Variants in SASH1 observed in about 807,000 individuals in gnomAD.
SASH1 encodes SAM and SH3 domain containing 1.
A neutral mutation model predicts 125.2 loss-of-function variants in SASH1; 44 were observed. That is an observed-to-expected ratio of 0.35 (90% confidence interval 0.28 to 0.45). SASH1 has a LOEUF of 0.45. Ranked by LOEUF, SASH1 falls within the 20% of genes least tolerant of loss-of-function variation. SASH1 has a pLI of 1.00. For synonymous variants in SASH1, 639 were observed against 649.1 expected (o/e 0.98, Z 0.24); for missense variants, 1,426 against 1,614.5 (o/e 0.88, Z 2.00).
chr6:148,492,827 TATAA>T (rs4052629), intron 8 of SASH1, among the ~76,000 whole-genome samples: 64,215 of 145,072 alleles, frequency 0.44, 14,987 homozygotes, highest in East Asian at 0.64. Flanking sequence ...TCTCATAAAA[TATAA>T]ATAAATAAAT....
At chr6:148,444,041 A>G (rs1158639358) in intron 4 of SASH1, among the ~76,000 whole-genome samples, 2 of 152,228 alleles carry the variant, frequency 1.3e-5, no homozygotes, top group Non-Finnish European at 2.9e-5. Context: ...GAACTTAGAA[A>G]ACACATGTGG....
chr6:148,251,903 A>G, the SASH1 span, among the ~76,000 whole-genome samples: 2 of 138,828 alleles, frequency 1.4e-5, no homozygotes, highest in South Asian at 2.3e-4. Flanking sequence ...TCATTGTTCA[A>G]TTCCCACCTA....
the SASH1 span, among the ~76,000 whole-genome samples, chr6:148,245,715 C>T: frequency 6.6e-6 from 1 of 152,004 alleles, no homozygotes; most frequent in African/African-American, 2.4e-5. Context: ...GGGCCAGGTG[C>T]GGTGGCTCGT....
intron 1 of SASH1, among the ~76,000 whole-genome samples, chr6:148,311,023 C>T (rs1343951214): frequency 6.6e-6 from 1 of 152,148 alleles, no homozygotes; most frequent in East Asian, 1.9e-4. Flanking sequence ...AAGTGATCCT[C>T]CGGCCTCAGC....
intron 1 of SASH1, among the ~76,000 whole-genome samples, chr6:148,363,997 A>G (rs1192193524): frequency 1.3e-5 from 2 of 152,198 alleles, no homozygotes; most frequent in Non-Finnish European, 2.9e-5. Context: ...AATGCCCACC[A>G]TTCATTCAGA....
At chr6:148,545,895 C>A in intron 18 of SASH1, 120 bp from the exon 19 acceptor site, 1 of 949,630 alleles carries the variant, frequency 1.1e-6, no homozygotes, top group Non-Finnish European at 1.5e-6. Flanking sequence ...GAGCCATGAT[C>A]ACACCACTGC....
At chr6:148,346,485 T>C (rs888254676) in intron 1 of SASH1, among the ~76,000 whole-genome samples, 1 of 92,862 alleles carries the variant, frequency 1.1e-5, no homozygotes, top group Non-Finnish European at 2.1e-5. Context: ...AAAACAAGCT[T>C]GCAAAAAAAA....
chr6:148,528,291 T>C lies in SASH1; in HGVS notation c.1428+695T>C, dbSNP rs557426274. 2.0e-5 allele frequency among the ~76,000 whole-genome samples: 3 copies of C among 152,262 alleles called. No homozygotes were observed. The East Asian group carries it at 5.8e-4, about 29-fold the overall frequency. On this transcript the variant is annotated intron_variant, in intron 12 of 19. Coordinates refer to ENST00000367467, the MANE Select transcript of SASH1 (RefSeq NM_015278.5). ...TGGGCCTCAAGGTAATTATGACCAT[T>C]CAATTTTCAAGACACTCTCCTCCAG...
the SASH1 span, among the ~76,000 whole-genome samples, chr6:148,221,055 G>A: frequency 6.6e-6 from 1 of 152,004 alleles, no homozygotes; most frequent in African/African-American, 2.4e-5. Flanking sequence ...CTACTTTCTG[G>A]GACTTGAAAA....
chr6:148,312,860 G>A (rs1449623555), intron 1 of SASH1, among the ~76,000 whole-genome samples: 2 of 152,112 alleles, frequency 1.3e-5, no homozygotes, highest in Admixed American at 1.3e-4. Context: ...GAAGGAGGAG[G>A]AGAAGGAGGC....
the SASH1 span, among the ~76,000 whole-genome samples, chr6:148,196,969 G>T: frequency 6.6e-6 from 1 of 152,324 alleles, no homozygotes; most frequent in East Asian, 1.9e-4. Context: ...GGATACTGCT[G>T]AGTGATTGAA....
rs556345545 is a variant in SASH1 at position 148,331,753 on chromosome 6, A to G, written n.75-58381A>G. Among the ~76,000 whole-genome samples, 417 of 152,210 alleles carry G rather than the reference A, an allele frequency of 2.7e-3. 1 individual carries two copies. The highest frequency in any genetic ancestry group is 4.8e-3 in the Non-Finnish European group (323 of 67,992). On this transcript the variant is annotated intron_variant and non_coding_transcript_variant, in intron 1 of 3. Coordinates refer to the SASH1 transcript ENST00000367469. ...GTGACCCAACTTGAACTGCAGTGGT[A>G]CAATCATGGCTCATTGCAGCCTTGA...
At chr6:148,307,029 TTTCTTTCTTTCTTTCTTTCTTTC>T (rs779910398) in intron 1 of SASH1, among the ~76,000 whole-genome samples, 925 of 29,364 alleles carry the variant, frequency 0.032, 8 homozygotes, top group Non-Finnish European at 0.045. Flanking sequence ...CTTTCTTTTC[TTTCTTTCTTTCTTTCTTTCTTTC>T]TTTCTTTCTT....
the SASH1 span, among the ~76,000 whole-genome samples, chr6:148,234,586 G>A: frequency 5.9e-5 from 9 of 152,190 alleles, no homozygotes; most frequent in African/African-American, 2.2e-4. Flanking sequence ...AGCACTTTGG[G>A]AGGCCAAGGC....
chr6:148,319,923 A>T (rs1582960013), intron 1 of SASH1, among the ~76,000 whole-genome samples: 2 of 152,154 alleles, frequency 1.3e-5, no homozygotes, highest in East Asian at 3.8e-4. Flanking sequence ...CATTGTACCC[A>T]TGTGGTCTAC....
At chr6:148,336,561 T>C (rs898641351) in intron 1 of SASH1, among the ~76,000 whole-genome samples, 1 of 152,172 alleles carries the variant, frequency 6.6e-6, no homozygotes, top group Non-Finnish European at 1.5e-5. Context: ...GCAAACAACA[T>C]TTCATGGACT....
chr6:148,221,234 C>A, the SASH1 span, among the ~76,000 whole-genome samples: 1 of 152,126 alleles, frequency 6.6e-6, no homozygotes, highest in Non-Finnish European at 1.5e-5. Flanking sequence ...TAAATCTGAG[C>A]CTATTTTCTT....
At chr6:148,283,632 G>A (rs1341995185) in intron 1 of SASH1, among the ~76,000 whole-genome samples, 2 of 152,064 alleles carry the variant, frequency 1.3e-5, no homozygotes, top group South Asian at 2.1e-4. Context: ...AAATTAGCTG[G>A]GTGTGGTGGC....
intron 8 of SASH1, among the ~76,000 whole-genome samples, chr6:148,512,158 A>G (rs1389085008): frequency 6.6e-6 from 1 of 152,096 alleles, no homozygotes; most frequent in Non-Finnish European, 1.5e-5. Flanking sequence ...AGCTGGGACT[A>G]CAGGCACCCG....
Sources: allele counts gnomAD v4.1 joint callset (sites outside exome capture counted in the v4.1 genomes callset), GRCh38; gene constraint gnomAD v4.1.1; transcripts MANE v1.5; gene names NCBI Gene and HGNC (gene_info 2026-07-23, HGNC 2026-07-21).